Variants in GSK3B observed in about 807,000 individuals in gnomAD.
GSK3B encodes the protein glycogen synthase kinase-3 beta.
Under a neutral mutation model 56.4 loss-of-function variants are expected in GSK3B, and 15 were observed. The observed-to-expected ratio is 0.27, with a 90% CI of 0.18 to 0.41. GSK3B has a LOEUF of 0.41. Among genes scored for constraint, GSK3B ranks in the 10% least tolerant of loss-of-function variants. The pLI is 1.00. For missense variants in GSK3B, 300 were observed against 513.4 expected, an observed-to-expected ratio of 0.58 and a Z score of 4.02; for synonymous variants, 181 against 188.9, an observed-to-expected ratio of 0.96 and a Z score of 0.34.
chr3:119,911,631 A>G lies in GSK3B; in HGVS notation c.715+1073T>C, dbSNP rs571513183. 6.6e-5 allele frequency among the ~76,000 whole-genome samples: 10 copies of G among 152,334 alleles called. No homozygotes were observed. In the East Asian group the frequency reaches 1.9e-3, roughly 29 times the overall value. On this transcript the variant is annotated intron_variant, in intron 6 of 10. Transcript: ENST00000264235. ...CTATTTGGTCTCCATTAAAACTCTG[A>G]TGTTTAATGTAGCCACCTTCATCGA... is the stretch of plus-strand genomic sequence containing the variant.
chr3:120,078,190 T>C (rs946043911), intron 1 of GSK3B, among the ~76,000 whole-genome samples: 1 of 152,162 alleles, frequency 6.6e-6, no homozygotes, highest in African/African-American at 2.4e-5. Flanking sequence ...TCTCACCTCT[T>C]TCCTAGACTT....
intron 3 of GSK3B, among the ~76,000 whole-genome samples, chr3:119,926,413 T>C (rs58991487): frequency 0.027 from 4,152 of 151,996 alleles, 183 homozygotes; most frequent in African/African-American, 0.092. Context: ...AATGGTTCCA[T>C]CTTTAAAATT....
intron 1 of GSK3B, among the ~76,000 whole-genome samples, chr3:120,024,768 T>A (rs781394950): frequency 6.6e-6 from 1 of 151,922 alleles, no homozygotes; most frequent in Non-Finnish European, 1.5e-5. Context: ...TCCGAAAAAG[T>A]GGTATTTCAG....
chr3:119,899,693 AAAAC>A (rs2056606379), intron 7 of GSK3B, among the ~76,000 whole-genome samples: 1 of 152,298 alleles, frequency 6.6e-6, no homozygotes, highest in Non-Finnish European at 1.5e-5. Flanking sequence ...TTTACTAACA[AAAAC>A]AAAAAATTGA....
At chr3:119,941,820 G>C (rs1023655708) in intron 3 of GSK3B, among the ~76,000 whole-genome samples, 2 of 152,132 alleles carry the variant, frequency 1.3e-5, no homozygotes, top group South Asian at 2.1e-4. Context: ...GCTTATAAAA[G>C]TAAATATCTT....
chr3:119,826,460 T>C lies in GSK3B; in HGVS notation c.*328A>G. ...TGGAAGGGGCATGAGGCAGGAGTCC[T>C]GTTTTTAAAGTATACAACAGCAGAC... On this transcript the variant is annotated 3_prime_UTR_variant, in exon 11 of 11. Coordinates refer to ENST00000264235, the MANE Select transcript of GSK3B (RefSeq NM_001146156.2). The C allele has an allele frequency of 2.1e-6, 1 of 469,446 alleles. No homozygotes were observed. The allele number at this position is 469,446 out of a possible 1,614,324, so 29.1% of individuals were successfully genotyped here.
chr3:119,882,403 A>C (rs1005768057), intron 7 of GSK3B, among the ~76,000 whole-genome samples: 1 of 152,136 alleles, frequency 6.6e-6, no homozygotes, highest in African/African-American at 2.4e-5. Context: ...ATTTCAAACA[A>C]AAAAGTTGTG....
chr3:119,822,748 G>C lies in GSK3B; in HGVS notation c.*4040C>G, dbSNP rs1376432042. 1.8e-5 allele frequency: 4 copies of C among 228,318 alleles called. No individual in the cohort carries two copies. Among genetic ancestry groups the C allele is most frequent in the Admixed American group, 1.1e-4 (2 of 17,600 alleles). The allele number at this position is 228,318 out of a possible 1,614,324, so 14.1% of individuals were successfully genotyped here. On this transcript the variant is annotated 3_prime_UTR_variant, in exon 11 of 11. Transcript: ENST00000264235. ...TTCCACACAGGGGAGAAAAGTGTTT[G>C]GCTCTGTGATTAGATGATCACTAAC... is the stretch of plus-strand genomic sequence containing the variant.
At chr3:119,958,624 G>A (rs1223391898) in intron 2 of GSK3B, among the ~76,000 whole-genome samples, 1 of 152,048 alleles carries the variant, frequency 6.6e-6, no homozygotes, top group Admixed American at 6.6e-5. Flanking sequence ...GCTACAGTGC[G>A]CTATGATTGT....
At chr3:119,977,620 T>C (rs2057420104) in intron 2 of GSK3B, among the ~76,000 whole-genome samples, 1 of 152,210 alleles carries the variant, frequency 6.6e-6, no homozygotes, top group Admixed American at 6.5e-5. Context: ...AGAACAGTGC[T>C]ACACATAGCA....
At chr3:120,055,991 C>A (rs2058188416) in intron 1 of GSK3B, among the ~76,000 whole-genome samples, 1 of 152,142 alleles carries the variant, frequency 6.6e-6, no homozygotes, top group African/African-American at 2.4e-5. Context: ...ATAATAACAT[C>A]ATTTGCCTTT....
intron 9 of GSK3B, among the ~76,000 whole-genome samples, chr3:119,858,828 A>C (rs1260437587): frequency 6.6e-6 from 1 of 152,140 alleles, no homozygotes; most frequent in Non-Finnish European, 1.5e-5. Flanking sequence ...AGGGTTATTA[A>C]ATGGCCTAAT....
chr3:119,930,475 C>A (rs966918149), intron 3 of GSK3B, among the ~76,000 whole-genome samples: 23 of 151,978 alleles, frequency 1.5e-4, no homozygotes, highest in Non-Finnish European at 2.8e-4. Context: ...AATTTATAAC[C>A]TCTGATTTCA....
intron 1 of GSK3B, chr3:120,029,235 T>A: frequency 1.4e-6 from 1 of 708,096 alleles, no homozygotes; most frequent in Non-Finnish European, 2.6e-6. Context: ...GCCACCAGAC[T>A]ATGACAGGTT....
intron 1 of GSK3B, among the ~76,000 whole-genome samples, chr3:120,006,147 G>C (rs6796420): frequency 6.6e-6 from 1 of 151,862 alleles, no homozygotes; most frequent in Non-Finnish European, 1.5e-5. Context: ...TTAAACCAAC[G>C]AAGATCAAAA....
intron 7 of GSK3B, among the ~76,000 whole-genome samples, chr3:119,881,865 T>A (rs2056382585): frequency 6.6e-6 from 1 of 152,138 alleles, no homozygotes; most frequent in Non-Finnish European, 1.5e-5. Flanking sequence ...AGTGAATAAG[T>A]CTCACAAGAT....
intron 7 of GSK3B, among the ~76,000 whole-genome samples, chr3:119,896,486 C>A (rs1018431428): frequency 6.6e-6 from 1 of 152,066 alleles, no homozygotes; most frequent in Non-Finnish European, 1.5e-5. Flanking sequence ...GAATCACTAA[C>A]ACTATAGTTC....
At chr3:119,966,723 A>AT (rs903946812) in intron 2 of GSK3B, among the ~76,000 whole-genome samples, 1 of 152,180 alleles carries the variant, frequency 6.6e-6, no homozygotes, top group African/African-American at 2.4e-5. Context: ...ATCTAGATAG[A>AT]TTTTTTATCT....
At chr3:120,028,777 G>C in intron 1 of GSK3B, 1 of 468,464 alleles carries the variant, frequency 2.1e-6, no homozygotes, top group South Asian at 1.6e-5. Context: ...GGTTGGGGCA[G>C]CGACCAGGCG....
Sources: gnomAD v4.1 joint callset for allele counts (sites outside exome capture counted in the v4.1 genomes callset) on GRCh38, gnomAD v4.1.1 for gene constraint, MANE v1.5 for transcripts, NCBI Gene and HGNC (gene_info 2026-07-23, HGNC 2026-07-21) for gene names.